DIP2B: variants seen among roughly 807,000 people sequenced by gnomAD.
DIP2B encodes the protein DIP2 acetate--CoA ligase B (putative), also known as disco-interacting protein 2 homolog B.
DIP2B carries 76 observed loss-of-function variants against 198.0 expected under a neutral mutation model. That is an observed-to-expected ratio of 0.38 (90% CI 0.32 to 0.46). DIP2B has a LOEUF of 0.46. DIP2B is among the 20% of genes least tolerant of loss of function. DIP2B has a pLI of 0.99. For synonymous variants in DIP2B, 701 were observed against 739.1 expected, an observed-to-expected ratio of 0.95 and a Z score of 0.84; for missense variants, 1,559 against 1,978.4, an observed-to-expected ratio of 0.79 and a Z score of 4.02.
intron 1 of DIP2B, among the ~76,000 whole-genome samples, chr12:50,547,488 A>G (rs1315704448): frequency 6.6e-6 from 1 of 152,222 alleles, no homozygotes; most frequent in South Asian, 2.1e-4. Flanking sequence ...TTGTAAGAAC[A>G]AAAGATGGAA....
At chr12:50,584,639 C>T (rs1463318161) in intron 1 of DIP2B, among the ~76,000 whole-genome samples, 1 of 152,188 alleles carries the variant, frequency 6.6e-6, no homozygotes, top group African/African-American at 2.4e-5. Context: ...TCTCACCTCA[C>T]TACAACCTCT....
intron 1 of DIP2B, among the ~76,000 whole-genome samples, chr12:50,602,808 G>A (rs181423560): frequency 0.01 from 1,479 of 142,792 alleles, 19 homozygotes; most frequent in African/African-American, 0.038. Context: ...GCAGTGAGCC[G>A]AGATCATACC....
At chr12:50,578,653 G>A (rs1250454900) in intron 1 of DIP2B, among the ~76,000 whole-genome samples, 6 of 151,600 alleles carry the variant, frequency 4.0e-5, no homozygotes, top group Admixed American at 1.3e-4. Flanking sequence ...GACTACAGGC[G>A]CCCGCCATCA....
chr12:50,702,400 G>A (rs10459235), intron 19 of DIP2B, among the ~76,000 whole-genome samples: 44,086 of 150,788 alleles, frequency 0.29, 6,655 homozygotes, highest in East Asian at 0.41. Context: ...CTTGTGTACT[G>A]AAAATACAAA....
intron 1 of DIP2B, among the ~76,000 whole-genome samples, chr12:50,536,588 G>A (rs1329100404): frequency 7.0e-6 from 1 of 142,762 alleles, no homozygotes; most frequent in Non-Finnish European, 1.5e-5. Context: ...TTTTTTTTGA[G>A]ACAGGGTCTC....
intron 1 of DIP2B, among the ~76,000 whole-genome samples, chr12:50,606,453 G>A (rs183623168): frequency 2.0e-5 from 3 of 152,280 alleles, no homozygotes; most frequent in South Asian, 2.1e-4. Context: ...ATAATATTGC[G>A]AGGATATACC....
intron 1 of DIP2B, among the ~76,000 whole-genome samples, chr12:50,600,283 T>TTGG (rs1216212458): frequency 3.9e-5 from 6 of 152,208 alleles, no homozygotes; most frequent in African/African-American, 1.4e-4. Flanking sequence ...CCAGCTAGTG[T>TTGG]TGGATGAGGA....
At chr12:50,609,762 T>G (rs1959015899) in intron 1 of DIP2B, among the ~76,000 whole-genome samples, 3 of 152,222 alleles carry the variant, frequency 2.0e-5, no homozygotes. Flanking sequence ...AAAGAAGAGA[T>G]AGGATGGACC....
chr12:50,625,230 GT>G (rs1244985940), intron 1 of DIP2B, among the ~76,000 whole-genome samples: 1 of 152,002 alleles, frequency 6.6e-6, no homozygotes, highest in South Asian at 2.1e-4. Flanking sequence ...TGCATTTCCT[GT>G]TCCTTTTAAC....
chr12:50,566,971 C>CAAA (rs34854416), intron 1 of DIP2B, among the ~76,000 whole-genome samples: 66 of 78,298 alleles, frequency 8.4e-4, no homozygotes, highest in African/African-American at 3.0e-3. Context: ...GACTCCGTCT[C>CAAA]AAAAAAAAAA....
chr12:50,640,449 C>G (rs143927371), intron 2 of DIP2B, among the ~76,000 whole-genome samples: 5 of 152,278 alleles, frequency 3.3e-5, no homozygotes, highest in Non-Finnish European at 5.9e-5. Flanking sequence ...TCAGTACTGC[C>G]TCTCCTTGGA....
At chr12:50,596,980 T>G (rs1002379276) in intron 1 of DIP2B, among the ~76,000 whole-genome samples, 1 of 152,216 alleles carries the variant, frequency 6.6e-6, no homozygotes, top group Non-Finnish European at 1.5e-5. Context: ...TAACTTCTTT[T>G]AGAAATTTAA....
In DIP2B at chr12:50,732,547, T is replaced by C; in HGVS notation, c.3981+11T>C. The C allele has an allele frequency of 6.2e-7, 1 of 1,613,762 alleles. No individual in the cohort carries two copies. ...GCAATATGTTTACAGGTGACCCTCA[T>C]GAAATCTTGTCTGTTGACAAATGGG... On this transcript the variant is annotated intron_variant, in intron 32 of 37. Transcript: ENST00000301180.
intron 1 of DIP2B, among the ~76,000 whole-genome samples, chr12:50,520,776 T>C (rs1958110052): frequency 6.6e-6 from 1 of 152,234 alleles, no homozygotes; most frequent in Admixed American, 6.5e-5. Context: ...TGCAGTGTTC[T>C]TTAGTGAAAA....
intron 1 of DIP2B, among the ~76,000 whole-genome samples, chr12:50,563,710 G>C (rs925309257): frequency 6.6e-6 from 1 of 151,838 alleles, no homozygotes; most frequent in African/African-American, 2.4e-5. Flanking sequence ...TGCCCAGGCT[G>C]CTCTCAAACT....
At chr12:50,721,847 A>G (rs1939841779) in intron 26 of DIP2B, among the ~76,000 whole-genome samples, 1 of 152,220 alleles carries the variant, frequency 6.6e-6, no homozygotes, top group Non-Finnish European at 1.5e-5. Flanking sequence ...GAAACCAGGA[A>G]CGGTTAACTA....
intron 1 of DIP2B, among the ~76,000 whole-genome samples, chr12:50,594,764 A>T (rs900351785): frequency 2.0e-5 from 3 of 152,218 alleles, no homozygotes; most frequent in Non-Finnish European, 2.9e-5. Context: ...ATTACATATT[A>T]AAAGATATTT....
At chr12:50,510,520 A>G (rs7302749) in intron 1 of DIP2B, among the ~76,000 whole-genome samples, 131,903 of 152,220 alleles carry the variant, frequency 0.87, 58,447 homozygotes, top group Non-Finnish European at 0.98. Flanking sequence ...CTATATTTGT[A>G]TTCTAATTAC....
At chr12:50,520,478 T>C (rs2139351451) in intron 1 of DIP2B, among the ~76,000 whole-genome samples, 1 of 152,358 alleles carries the variant, frequency 6.6e-6, no homozygotes, top group Non-Finnish European at 1.5e-5. Flanking sequence ...TTTGACTTCC[T>C]CTCTGGTTTG....
Sources: allele counts gnomAD v4.1 joint callset (sites outside exome capture counted in the v4.1 genomes callset), GRCh38; gene constraint gnomAD v4.1.1; transcripts MANE v1.5; gene names NCBI Gene and HGNC (gene_info 2026-07-23, HGNC 2026-07-21).